RNF146: variants seen among roughly 807,000 people sequenced by gnomAD.
The protein encoded by RNF146 is E3 ubiquitin-protein ligase RNF146.
RNF146 carries 11 observed loss-of-function variants against 29.7 expected under a neutral mutation model. That is an observed-to-expected ratio of 0.37 (90% CI 0.23 to 0.61). RNF146 has a LOEUF of 0.61. Among genes scored for constraint, RNF146 ranks in the 20% least tolerant of loss-of-function variants. RNF146 has a pLI of 0.66. For synonymous variants in RNF146, 150 were observed against 159.7 expected (o/e 0.94, Z 0.46); for missense variants, 342 against 438.9 (o/e 0.78, Z 1.97).
intron 2 of RNF146, among the ~76,000 whole-genome samples, chr6:127,285,555 GA>G (rs1340278477): frequency 8.0e-6 from 1 of 125,552 alleles, no homozygotes; most frequent in African/African-American, 2.9e-5. Context: ...TTACCATGGG[GA>G]AAAAAATTAG....
At chr6:127,272,198 G>A (rs949111197) in intron 1 of RNF146, among the ~76,000 whole-genome samples, 1 of 152,136 alleles carries the variant, frequency 6.6e-6, no homozygotes, top group Non-Finnish European at 1.5e-5. Context: ...TCACAGGGTT[G>A]TTTTGAGGAT....
chr6:127,286,321 C>G lies in RNF146; in HGVS notation c.3-295C>G. 1.6e-6 allele frequency: 1 copy of G among 638,258 alleles called. No homozygotes were observed. Among genetic ancestry groups the G allele is most frequent in the Non-Finnish European group, 2.3e-6 (1 of 431,336 alleles). The allele number at this position is 638,258 out of a possible 1,614,324, so 39.5% of individuals were successfully genotyped here. On this transcript the variant is annotated intron_variant, in intron 2 of 2. Transcript: ENST00000368314. The surrounding 1 kb of genome is among the most constrained non-coding windows in gnomAD (Gnocchi z 4.6). ...GCCATGATTCAAGGTATCCTTTTCC[C>G]CTCACTGGATGCAGCTTTTCATTAT...
At chr6:127,266,770 T>A (rs877661), upstream of RNF146, 7 of 151,674 alleles carry the variant, frequency 4.6e-5, no homozygotes, top group African/African-American at 1.5e-4. Flanking sequence ...GCGCCGGAGT[T>A]AGCTCGCCGG....
rs543562904 is a variant in RNF146, at chr6:127,271,560, A to G, written c.-109+4635A>G. 3.9e-5 allele frequency among the ~76,000 whole-genome samples: 6 copies of G among 152,312 alleles called. No homozygotes were observed. The South Asian group carries it at 1.2e-3, about 32-fold the overall frequency. ...ATTTAACAAGATTAATATGCAAGACATTCTAGACCAGCATTGCCCAGTAAA... is the reference window on the plus strand; with the variant it reads ...ATTTAACAAGATTAATATGCAAGACGTTCTAGACCAGCATTGCCCAGTAAA... On this transcript the variant is annotated intron_variant, in intron 1 of 2. Transcript: ENST00000368314.
chr6:127,270,824 T>G (rs1350265096), intron 1 of RNF146, among the ~76,000 whole-genome samples: 1 of 152,024 alleles, frequency 6.6e-6, no homozygotes, highest in Non-Finnish European at 1.5e-5. Flanking sequence ...CTTATGATTT[T>G]TTTTTTTTTT....
rs143873443 is a variant in RNF146 at position 127,281,545 on chromosome 6, A to C, written c.2+1205A>C. Among the ~76,000 whole-genome samples, 641 of 151,854 alleles carry C rather than the reference A, an allele frequency of 4.2e-3. 4 individuals carry two copies. Among genetic ancestry groups the C allele is most frequent in the African/African-American group, 0.014 (578 of 41,522 alleles). On this transcript the variant is annotated intron_variant, in intron 2 of 2. Transcript: ENST00000368314. The stretch of plus-strand genomic sequence containing the variant: ...AAGAATGAGTAGAATTTTAACAGTC[A>C]AAGAAAATTAGGAAATATTTTTCAA...
At chr6:127,280,401 T>G in intron 2 of RNF146, 61 bp downstream of exon 2, 1 of 1,518,664 alleles carries the variant, frequency 6.6e-7, no homozygotes, top group Non-Finnish European at 8.9e-7. Flanking sequence ...TGGTTTAACG[T>G]GTGGTAAATT....
At chr6:127,284,866 CATT>C (rs1344305946) in intron 2 of RNF146, among the ~76,000 whole-genome samples, 2 of 151,712 alleles carry the variant, frequency 1.3e-5, no homozygotes, top group African/African-American at 4.8e-5. Context: ...TTTCTTAAAA[CATT>C]ATGTGATTTT....
rs1778761333 is a variant in RNF146, at chr6:127,280,302, A to G, written c.-37A>G. 1 of 1,546,842 alleles carries G rather than the reference A, an allele frequency of 6.5e-7. No individual in the cohort carries two copies. The highest frequency in any genetic ancestry group is 2.0e-5 in the Admixed American group (1 of 50,878). ...TGACTGCTGGTGAAGAAAATGCTTT[A>G]TTTTTGTGGCAGGCATCTGTGGGAT... On this transcript the variant is annotated 5_prime_UTR_variant, in exon 2 of 3. Coordinates refer to ENST00000368314, the MANE Select transcript of RNF146 (RefSeq NM_001242850.2).
intron 2 of RNF146, among the ~76,000 whole-genome samples, chr6:127,284,523 T>G (rs1779275954): frequency 6.6e-6 from 1 of 151,910 alleles, no homozygotes; most frequent in South Asian, 2.1e-4. Flanking sequence ...AGGAATTTTA[T>G]GGAAACTAAC....
chr6:127,286,568 T>C lies in RNF146; in HGVS notation c.3-48T>C, dbSNP rs199551318. 2.7e-6 allele frequency: 4 copies of C among 1,487,518 alleles called. No individual in the cohort carries two copies. The highest frequency in any genetic ancestry group is 4.7e-5 in the East Asian group (2 of 42,632). The allele number at this position is 1,487,518 out of a possible 1,614,324, so 92.1% of individuals were successfully genotyped here. On this transcript the variant is annotated intron_variant, in intron 2 of 2. Coordinates refer to ENST00000368314, the MANE Select transcript of RNF146 (RefSeq NM_001242850.2). This position sits in a 1 kb window ranked among gnomAD's most constrained non-coding sequence, Gnocchi z 4.6. Reference sequence around the variant, plus strand: ...TTTTCATAATTGTTAAATTAAGATATTGCAAGAATTAAAACATGACTTTAA... The same window carrying C: ...TTTTCATAATTGTTAAATTAAGATACTGCAAGAATTAAAACATGACTTTAA...
intron 1 of RNF146, among the ~76,000 whole-genome samples, chr6:127,272,066 A>G (rs545440918): frequency 6.6e-6 from 1 of 152,236 alleles, no homozygotes; most frequent in Non-Finnish European, 1.5e-5. Flanking sequence ...GTAGAAAGAC[A>G]TTTTTAAAGG....
chr6:127,267,375 C>T (rs927346773), intron 1 of RNF146, among the ~76,000 whole-genome samples: 6 of 152,170 alleles, frequency 3.9e-5, no homozygotes, highest in African/African-American at 1.2e-4. Context: ...GGGTCCCTCT[C>T]CTCCCCTCTG....
intron 1 of RNF146, among the ~76,000 whole-genome samples, chr6:127,271,255 T>A (rs1158723856): frequency 6.6e-6 from 1 of 152,176 alleles, no homozygotes; most frequent in Non-Finnish European, 1.5e-5. Flanking sequence ...TATTAGTAGT[T>A]AAGTTTTTGG....
At chr6:127,275,803 G>A (rs1376108788) in intron 1 of RNF146, among the ~76,000 whole-genome samples, 1 of 152,058 alleles carries the variant, frequency 6.6e-6, no homozygotes, top group Non-Finnish European at 1.5e-5. Context: ...GAAATACAGA[G>A]CTACAAAGGG....
At chr6:127,285,741 A>G (rs2114512916) in intron 2 of RNF146, among the ~76,000 whole-genome samples, 1 of 151,926 alleles carries the variant, frequency 6.6e-6, no homozygotes, top group African/African-American at 2.4e-5. Context: ...AATGAACACT[A>G]AACTTTCTAA....
rs1779713010 is a variant in RNF146, at chr6:127,287,655, A to G, written c.1042A>G (p.Arg348Gly). Residue 348 changes from arginine (R) to glycine (G), a missense_variant, in exon 3 of 3, where the codon AGA becomes GGA. Arg to Gly is a moderately radical substitution (Grantham distance 125, BLOSUM62 -2). Coordinates refer to ENST00000368314, the MANE Select transcript of RNF146 (RefSeq NM_001242850.2). The part of the protein sequence containing the change: ...GGTVSVSVRS[R>G]RPDGQCTVTE... ...AACAGTGAGTGTCAGTGTCAGATCT[A>G]GAAGGCCTGATGGACAGTGCACAGT... 2 of 1,607,166 alleles carry G rather than the reference A, an allele frequency of 1.2e-6. No homozygotes were observed. The highest frequency in any genetic ancestry group is 2.2e-5 in the East Asian group (1 of 44,666).
At position 127,286,829 on chromosome 6, in the gene RNF146, T is replaced by C; in HGVS notation, c.216T>C (p.Ala72=). 1 of 1,613,222 alleles carries C rather than the reference T, an allele frequency of 6.2e-7. No individual in the cohort carries two copies. The highest frequency in any genetic ancestry group is 1.1e-5 in the South Asian group (1 of 91,076). ...KGASWLGKRC[A]LCRQEIPEDF... is the part of the protein sequence containing the mutation. ...CTTCATGGCTTGGAAAGCGGTGTGC[T>C]CTTTGTCGACAAGAAATTCCCGAGG... is the stretch of plus-strand genomic sequence containing the variant. Residue 72 remains alanine (A), a synonymous_variant, in exon 3 of 3, where the codon GCT becomes GCC. Transcript: ENST00000368314. This position sits in a 1 kb window ranked among gnomAD's most constrained non-coding sequence, Gnocchi z 4.6.
At chr6:127,283,553 T>C (rs187315107) in intron 2 of RNF146, among the ~76,000 whole-genome samples, 2 of 151,720 alleles carry the variant, frequency 1.3e-5, no homozygotes, top group African/African-American at 4.8e-5. Context: ...ATTAAAATGG[T>C]TTTTTAAAAA....
Sources: gnomAD v4.1 joint callset for allele counts (sites outside exome capture counted in the v4.1 genomes callset) on GRCh38, gnomAD v4.1.1 for gene constraint, Gnocchi (gnomAD v3.1) non-coding constraint, MANE v1.5 for transcripts, NCBI Gene and HGNC (gene_info 2026-07-23, HGNC 2026-07-21) for gene names.